SHISA9: variants seen among roughly 807,000 people sequenced by gnomAD.
SHISA9 encodes protein shisa-9.
Under a neutral mutation model 38.0 loss-of-function variants are expected in SHISA9, and 13 were observed. The ratio of observed to expected loss-of-function variants is 0.34; its 90% CI spans 0.22 to 0.54. The LOEUF is 0.54. Ranked by LOEUF, SHISA9 falls within the 20% of genes least tolerant of loss-of-function variation. The pLI is 0.91. For missense variants in SHISA9, 538 were observed against 575.8 expected (o/e 0.93, Z 0.67); for synonymous variants, 275 against 242.0 (o/e 1.14, Z -1.27).
In SHISA9 at chr16:12,911,288, C is replaced by T. The variant is rs550810253; in HGVS notation, c.564-5400C>T. ...TCTGAGAAGCACTCAAACTATGTGC[C>T]GCAAACAAACGCCAAATTCTTAGGC... On this transcript the variant is annotated intron_variant, in intron 1 of 4. Transcript: ENST00000558583. 6.4e-5 allele frequency: 63 copies of T among 985,398 alleles called. No individual in the cohort carries two copies. In the East Asian group the frequency reaches 1.0e-3, roughly 16 times the overall value. 61.0% of individuals were successfully genotyped at this position (985,398 alleles called of 1,614,324 possible).
chr16:12,911,821 G>A (rs1193303730), intron 1 of SHISA9, among the ~76,000 whole-genome samples: 1 of 152,174 alleles, frequency 6.6e-6, no homozygotes, highest in Non-Finnish European at 1.5e-5. Flanking sequence ...GTTAAGAAGG[G>A]GGGCATTTTT....
At chr16:13,300,110 G>C in the SHISA9 span, among the ~76,000 whole-genome samples, 193 of 152,218 alleles carry the variant, frequency 1.3e-3, 1 homozygote, top group African/African-American at 4.5e-3. Flanking sequence ...CTTGATCCAA[G>C]CAAAAGAAAG....
intron 2 of SHISA9, among the ~76,000 whole-genome samples, chr16:12,950,051 A>C (rs2071734642): frequency 6.6e-6 from 1 of 152,176 alleles, no homozygotes; most frequent in Non-Finnish European, 1.5e-5. Context: ...TATGGTAAAC[A>C]CCGTTCTATT....
chr16:13,491,131 A>T, the SHISA9 span, among the ~76,000 whole-genome samples: 33 of 152,342 alleles, frequency 2.2e-4, no homozygotes, highest in African/African-American at 7.5e-4. Context: ...ACTGAGAAAG[A>T]TGCATTAACA....
the SHISA9 span, among the ~76,000 whole-genome samples, chr16:13,507,243 C>A: frequency 1.3e-5 from 2 of 151,858 alleles, no homozygotes; most frequent in African/African-American, 2.4e-5. Context: ...AACAATGAGA[C>A]TCAGAGAGTG....
the SHISA9 span, among the ~76,000 whole-genome samples, chr16:13,486,408 T>G: frequency 1.3e-5 from 2 of 152,212 alleles, no homozygotes; most frequent in Non-Finnish European, 2.9e-5. Flanking sequence ...CCTAGTACCC[T>G]ACTTCTCTGA....
At chr16:13,347,351 C>G in the SHISA9 span, among the ~76,000 whole-genome samples, 1 of 152,252 alleles carries the variant, frequency 6.6e-6, no homozygotes, top group African/African-American at 2.4e-5. Flanking sequence ...TTTGGGCACT[C>G]AGATATTTTA....
At chr16:13,219,711 C>T (rs998419262) in intron 4 of SHISA9, among the ~76,000 whole-genome samples, 1 of 152,128 alleles carries the variant, frequency 6.6e-6, no homozygotes, top group African/African-American at 2.4e-5. Flanking sequence ...AGGAGAGAGG[C>T]TTTGGGAGGC....
chr16:13,009,825 C>T (rs1232312180), intron 2 of SHISA9, among the ~76,000 whole-genome samples: 1 of 152,206 alleles, frequency 6.6e-6, no homozygotes, highest in Non-Finnish European at 1.5e-5. Context: ...TTCCCAGCTA[C>T]AGCCCGTCAT....
At chr16:13,547,407 G>C in the SHISA9 span, among the ~76,000 whole-genome samples, 1 of 151,972 alleles carries the variant, frequency 6.6e-6, no homozygotes, top group Non-Finnish European at 1.5e-5. Flanking sequence ...TGAGATTATG[G>C]AGGAAGGAAA....
chr16:13,472,082 G>A, the SHISA9 span, among the ~76,000 whole-genome samples: 1 of 152,176 alleles, frequency 6.6e-6, no homozygotes, highest in African/African-American at 2.4e-5. Flanking sequence ...GAAAAGGAGA[G>A]CTTAGTGCTG....
chr16:13,212,380 G>T (rs1270292481), intron 3 of SHISA9, among the ~76,000 whole-genome samples: 1 of 152,144 alleles, frequency 6.6e-6, no homozygotes, highest in Non-Finnish European at 1.5e-5. Context: ...GGTGGGGGTT[G>T]GGTTGGGTAT....
chr16:12,958,487 G>A (rs1731961831), intron 2 of SHISA9, among the ~76,000 whole-genome samples: 1 of 152,156 alleles, frequency 6.6e-6, no homozygotes, highest in Non-Finnish European at 1.5e-5. Context: ...CAGAGTGTGG[G>A]CCTCAGTTCA....
intron 2 of SHISA9, among the ~76,000 whole-genome samples, chr16:12,998,204 A>C (rs895255624): frequency 1.3e-5 from 2 of 152,254 alleles, no homozygotes; most frequent in African/African-American, 4.8e-5. Flanking sequence ...AGAGGAACAT[A>C]TAGGGAAGCA....
intron 2 of SHISA9, among the ~76,000 whole-genome samples, chr16:13,184,214 A>C (rs1475481323): frequency 6.6e-6 from 1 of 152,072 alleles, no homozygotes; most frequent in South Asian, 2.1e-4. Flanking sequence ...TTTCCATTCC[A>C]CTGCCTCACA....
intron 2 of SHISA9, among the ~76,000 whole-genome samples, chr16:12,953,764 G>T (rs978139166): frequency 4.6e-5 from 7 of 152,170 alleles, no homozygotes; most frequent in African/African-American, 1.7e-4. Context: ...AAAGAAAGGA[G>T]GTTTAATTGA....
chr16:13,464,862 A>ACATGAG, the SHISA9 span, among the ~76,000 whole-genome samples: 3 of 151,878 alleles, frequency 2.0e-5, no homozygotes, highest in South Asian at 6.2e-4. Flanking sequence ...AAAAATAAAG[A>ACATGAG]CATGAGTAAT....
At chr16:12,955,683 C>T (rs1000824752) in intron 2 of SHISA9, among the ~76,000 whole-genome samples, 1 of 150,252 alleles carries the variant, frequency 6.7e-6, no homozygotes, top group African/African-American at 2.4e-5. Context: ...ATAAATGGTA[C>T]TGGGAGAATT....
chr16:13,192,151 C>T (rs915990617), intron 2 of SHISA9, among the ~76,000 whole-genome samples: 1 of 152,000 alleles, frequency 6.6e-6, no homozygotes, highest in Non-Finnish European at 1.5e-5. Context: ...CATGTTCTCA[C>T]TTATGGATGG....
Sources: allele counts gnomAD v4.1 joint callset (sites outside exome capture counted in the v4.1 genomes callset), GRCh38; gene constraint gnomAD v4.1.1; transcripts MANE v1.5; gene names NCBI Gene and HGNC (gene_info 2026-07-23, HGNC 2026-07-21).